Variants in NEBL observed in about 807,000 individuals in gnomAD.
NEBL encodes the protein nebulette.
Under a neutral mutation model 140.2 loss-of-function variants are expected in NEBL, and 122 were observed. That is an observed-to-expected ratio of 0.87 (90% CI 0.75 to 1.01). The LOEUF (loss-of-function observed/expected upper bound fraction) is 1.01. NEBL is among the 50% of genes least tolerant of loss of function. The pLI is 0.00. For synonymous variants in NEBL, 436 were observed against 398.9 expected (o/e 1.09, Z -1.11); for missense variants, 1,365 against 1,231.3 (o/e 1.11, Z -1.62).
chr10:21,157,195 A>C (rs952613091), intron 2 of NEBL, among the ~76,000 whole-genome samples: 6 of 152,216 alleles, frequency 3.9e-5, no homozygotes, highest in Non-Finnish European at 7.3e-5. Context: ...ATTCAGAAAA[A>C]GTCTCCATTA....
chr10:21,177,260 T>C (rs901116005), upstream of NEBL, among the ~76,000 whole-genome samples: 2 of 152,332 alleles, frequency 1.3e-5, no homozygotes, highest in Admixed American at 6.5e-5. Context: ...GAAAAGATCA[T>C]ACTGCAGGGA....
chr10:21,024,242 T>C (rs987641153), intron 2 of NEBL, among the ~76,000 whole-genome samples: 6 of 152,178 alleles, frequency 3.9e-5, no homozygotes, highest in African/African-American at 1.2e-4. Flanking sequence ...AATCCTAAGA[T>C]TTAATGATTT....
intron 13 of NEBL, among the ~76,000 whole-genome samples, chr10:20,838,687 C>T (rs1841124500): frequency 6.6e-6 from 1 of 152,060 alleles, no homozygotes. Flanking sequence ...ATTAATGTGG[C>T]AAACTTCATT....
At chr10:20,860,582 A>AC (rs1450277908) in intron 7 of NEBL, among the ~76,000 whole-genome samples, 2 of 150,324 alleles carry the variant, frequency 1.3e-5, no homozygotes, top group East Asian at 3.9e-4. Context: ...AAAAAAAAAA[A>AC]AAAAACCTAG....
At chr10:21,143,382 G>A (rs1360646738) in intron 2 of NEBL, among the ~76,000 whole-genome samples, 1 of 145,166 alleles carries the variant, frequency 6.9e-6, no homozygotes, top group Admixed American at 7.0e-5. Flanking sequence ...CCGGGACGTG[G>A]AGGTTGCAGA....
chr10:21,261,823 C>T lies in NEBL; in HGVS notation n.183-9995G>A, dbSNP rs192507385. 3.3e-5 allele frequency among the ~76,000 whole-genome samples: 5 copies of T among 152,174 alleles called. No individual in the cohort carries two copies. The East Asian group carries it at 7.7e-4, about 24-fold the overall frequency. The stretch of plus-strand genomic sequence containing the variant: ...TAAAATAAAGAGATAGGAGTGTCAG[C>T]GGCAACACACACTCACATGCACCAA... On this transcript the variant is annotated intron_variant and non_coding_transcript_variant, in intron 1 of 8. Transcript: ENST00000675702.
chr10:20,809,858 G>C lies in NEBL; in HGVS notation c.2559C>G (p.Asp853Glu). ...GAATATTGTCTTCCAGGGGATCAAG[G>C]TCGAAGATGGAGCCAGGATCTGTGC... ...VWRTDPGSIF[D>E]LDPLEDNIQS... The change falls in exon 25 of 28, where the codon GAC (aspartate) becomes GAG (glutamate). Residue 853 changes from aspartate (D) to glutamate (E), a missense_variant. By Grantham distance (45) the Asp-to-Glu change is conservative. Transcript: ENST00000377122. 6.2e-7 allele frequency: 1 copy of C among 1,612,842 alleles called. No homozygotes were observed. The highest frequency in any genetic ancestry group is 8.5e-7 in the Non-Finnish European group (1 of 1,179,668).
intron 2 of NEBL, among the ~76,000 whole-genome samples, chr10:21,130,576 C>A (rs1839058523): frequency 6.6e-6 from 1 of 151,898 alleles, no homozygotes; most frequent in Non-Finnish European, 1.5e-5. Context: ...AACTAGAAGT[C>A]AATAACAAAA....
At chr10:21,079,255 A>G (rs1353638688) in intron 2 of NEBL, among the ~76,000 whole-genome samples, 1 of 152,214 alleles carries the variant, frequency 6.6e-6, no homozygotes, top group East Asian at 1.9e-4. Context: ...CCAGAAAAAG[A>G]AAGAAAATGA....
chr10:21,217,671 A>C (rs1842013225), intron 3 of NEBL, among the ~76,000 whole-genome samples: 2 of 152,184 alleles, frequency 1.3e-5, no homozygotes, highest in African/African-American at 4.8e-5. Flanking sequence ...TCACCTGCAA[A>C]TGGGTTTAAC....
At chr10:21,035,102 G>A (rs1248721857) in intron 2 of NEBL, among the ~76,000 whole-genome samples, 3 of 152,050 alleles carry the variant, frequency 2.0e-5, no homozygotes, top group Non-Finnish European at 1.5e-5. Context: ...AGGCCCAAGT[G>A]ATTATCATGT....
At chr10:20,999,157 G>GT (rs1491093138) in intron 3 of NEBL, among the ~76,000 whole-genome samples, 20 of 137,540 alleles carry the variant, frequency 1.5e-4, no homozygotes, top group African/African-American at 6.2e-4. Flanking sequence ...AGAGGTGTGT[G>GT]GGGGGAAAAA....
chr10:21,001,193 C>T (rs10828171), intron 3 of NEBL, among the ~76,000 whole-genome samples: 7 of 152,174 alleles, frequency 4.6e-5, no homozygotes, highest in Admixed American at 3.3e-4. Context: ...TCCAGCCAGC[C>T]GACAGACCGC....
upstream of NEBL, among the ~76,000 whole-genome samples, chr10:21,177,344 A>C (rs1163124497): frequency 6.6e-6 from 1 of 152,232 alleles, no homozygotes; most frequent in Admixed American, 6.5e-5. Flanking sequence ...CAGCAAGCCC[A>C]CAGCCTTCAC....
chr10:20,876,644 G>C (rs999218328), intron 5 of NEBL, among the ~76,000 whole-genome samples: 2 of 152,062 alleles, frequency 1.3e-5, no homozygotes, highest in Non-Finnish European at 2.9e-5. Context: ...ACATTGAATC[G>C]ACTACCAATA....
chr10:20,782,553 C>A lies in NEBL; in HGVS notation c.*3194G>T, dbSNP rs558974805. ...AAAGACTGTGGCACATTGGAAAAACCAGATCTGCATCTTCTTCAAGAAATA... is the reference window on the plus strand; with the variant it reads ...AAAGACTGTGGCACATTGGAAAAACAAGATCTGCATCTTCTTCAAGAAATA... On this transcript the variant is annotated 3_prime_UTR_variant, in exon 28 of 28. Transcript: ENST00000377122. 2 of 152,178 alleles carry A rather than the reference C, an allele frequency of 1.3e-5. No individual in the cohort carries two copies. The highest frequency in any genetic ancestry group is 2.9e-5 in the Non-Finnish European group (2 of 68,064). 9.4% of individuals were successfully genotyped at this position (152,178 alleles called of 1,614,324 possible).
At chr10:20,987,214 A>G (rs1837291131) in intron 3 of NEBL, among the ~76,000 whole-genome samples, 2 of 151,180 alleles carry the variant, frequency 1.3e-5, no homozygotes, top group Admixed American at 1.3e-4. Flanking sequence ...TAAGACATTC[A>G]CATATAGCAT....
At position 20,787,325 on chromosome 10, in the gene NEBL, C is replaced by G. The variant is rs758747696; in HGVS notation, c.2762-17G>C. ...GAACAGGTGCTGCATGTTAAACATA[C>G]ACACACACAAAGATTCCTTAAAGTT... On this transcript the variant is annotated splice_polypyrimidine_tract_variant and intron_variant, in intron 26 of 27. Coordinates refer to ENST00000377122, the MANE Select transcript of NEBL (RefSeq NM_006393.3). 1 of 1,576,288 alleles carries G rather than the reference C, an allele frequency of 6.3e-7. No homozygotes were observed. Among genetic ancestry groups the G allele is most frequent in the Non-Finnish European group, 8.7e-7 (1 of 1,147,908 alleles).
At chr10:21,026,818 G>A (rs1589149290) in intron 2 of NEBL, among the ~76,000 whole-genome samples, 1 of 152,226 alleles carries the variant, frequency 6.6e-6, no homozygotes, top group South Asian at 2.1e-4. Context: ...TTTGGGGAGG[G>A]TTTTCTACCA....
Sources: allele counts gnomAD v4.1 joint callset (sites outside exome capture counted in the v4.1 genomes callset), GRCh38; gene constraint gnomAD v4.1.1; transcripts MANE v1.5; gene names NCBI Gene and HGNC (gene_info 2026-07-23, HGNC 2026-07-21).